ATRNL1: variants seen among roughly 807,000 people sequenced by gnomAD.
ATRNL1 encodes attractin-like protein 1.
ATRNL1 carries 95 observed loss-of-function variants against 182.7 expected under a neutral mutation model. That is an observed-to-expected ratio of 0.52 (90% CI 0.44 to 0.62). The LOEUF (loss-of-function observed/expected upper bound fraction) is 0.62. ATRNL1 is among the 20% of genes least tolerant of loss of function. The pLI, the probability that ATRNL1 is intolerant of heterozygous loss-of-function variation, is 0.00. For synonymous variants in ATRNL1, 576 were observed against 568.3 expected, an observed-to-expected ratio of 1.01 and a Z score of -0.19; for missense variants, 1,471 against 1,679.5, an observed-to-expected ratio of 0.88 and a Z score of 2.17.
chr10:115,727,665 T>G (rs2134061195), intron 27 of ATRNL1, among the ~76,000 whole-genome samples: 1 of 152,308 alleles, frequency 6.6e-6, no homozygotes, highest in East Asian at 1.9e-4. Flanking sequence ...GCGCCTATAT[T>G]TAGTCTTTGG....
At chr10:115,883,068 T>C (rs1488694040) in intron 28 of ATRNL1, among the ~76,000 whole-genome samples, 1 of 152,144 alleles carries the variant, frequency 6.6e-6, no homozygotes, top group African/African-American at 2.4e-5. Flanking sequence ...CTCTTGATAA[T>C]CCCAAACTCC....
At chr10:115,193,772 T>G (rs1445038561) in intron 8 of ATRNL1, among the ~76,000 whole-genome samples, 1 of 151,952 alleles carries the variant, frequency 6.6e-6, no homozygotes, top group Non-Finnish European at 1.5e-5. Context: ...CTCTTTGTGT[T>G]CTTTAAGATG....
chr10:115,824,733 C>T (rs549864836), intron 27 of ATRNL1, among the ~76,000 whole-genome samples: 56 of 152,142 alleles, frequency 3.7e-4, no homozygotes, highest in Non-Finnish European at 6.9e-4. Context: ...CATCTCACAC[C>T]GGTTAGAATG....
chr10:115,299,362 G>C (rs1853362186), intron 15 of ATRNL1, among the ~76,000 whole-genome samples: 1 of 151,824 alleles, frequency 6.6e-6, no homozygotes, highest in Non-Finnish European at 1.5e-5. Flanking sequence ...TAGTTATGTA[G>C]TATTTGTCAA....
chr10:115,704,258 AG>A (rs1565302896), intron 26 of ATRNL1, among the ~76,000 whole-genome samples: 1 of 151,830 alleles, frequency 6.6e-6, no homozygotes, highest in Non-Finnish European at 1.5e-5. Context: ...TTGACTTGTA[AG>A]TGCATCCCTT....
chr10:115,420,742 C>G (rs879992528), intron 20 of ATRNL1, among the ~76,000 whole-genome samples: 2 of 151,656 alleles, frequency 1.3e-5, no homozygotes, highest in Non-Finnish European at 2.9e-5. Context: ...ACTAAAAATA[C>G]AAAGCATCAA....
chr10:115,564,019 T>G (rs1292280840), intron 26 of ATRNL1, among the ~76,000 whole-genome samples: 5 of 152,134 alleles, frequency 3.3e-5, no homozygotes, highest in Non-Finnish European at 7.4e-5. Flanking sequence ...GCTGAACTGG[T>G]GTTCGACCTG....
intron 21 of ATRNL1, among the ~76,000 whole-genome samples, chr10:115,443,353 G>T (rs1258148564): frequency 6.6e-6 from 1 of 151,738 alleles, no homozygotes; most frequent in Non-Finnish European, 1.5e-5. Context: ...TTCAGTCTGT[G>T]GGCTCTCTTT....
At chr10:115,480,988 A>C (rs1442803136) in intron 24 of ATRNL1, among the ~76,000 whole-genome samples, 1 of 150,866 alleles carries the variant, frequency 6.6e-6, no homozygotes, top group African/African-American at 2.4e-5. Flanking sequence ...AATTTGAGTA[A>C]AGAAGATTTT....
chr10:115,325,178 G>A (rs1459895963), intron 18 of ATRNL1, among the ~76,000 whole-genome samples: 1 of 152,002 alleles, frequency 6.6e-6, no homozygotes, highest in African/African-American at 2.4e-5. Flanking sequence ...CCATAAATGA[G>A]GAGCCATCTG....
intron 20 of ATRNL1, among the ~76,000 whole-genome samples, chr10:115,419,154 G>A (rs991528662): frequency 2.6e-5 from 4 of 152,112 alleles, no homozygotes; most frequent in African/African-American, 7.2e-5. Flanking sequence ...GAGTTAAAAT[G>A]TACCATTTTT....
chr10:115,623,289 G>A (rs534735865), intron 26 of ATRNL1, among the ~76,000 whole-genome samples: 1 of 152,064 alleles, frequency 6.6e-6, no homozygotes, highest in African/African-American at 2.4e-5. Flanking sequence ...CAGACAGACC[G>A]CATTCTGTTA....
In ATRNL1 at chr10:115,119,683, TA is replaced by T. The variant is rs1253198181; in HGVS notation, c.294-496del. Among the ~76,000 whole-genome samples the T allele has an allele frequency of 2.6e-5, 4 of 152,006 alleles. No individual in the cohort carries two copies. In the South Asian group the frequency reaches 6.2e-4, roughly 24 times the overall value. On this transcript the variant is annotated intron_variant, in intron 1 of 28. Transcript: ENST00000355044. ...TAAAGTAGACAGGAGAAAATGATAA[TA>T]AAAAATATATTTATAGCAGAACTCT...
At chr10:115,756,733 C>T (rs1484272673) in intron 27 of ATRNL1, among the ~76,000 whole-genome samples, 2 of 152,068 alleles carry the variant, frequency 1.3e-5, no homozygotes, top group Non-Finnish European at 2.9e-5. Flanking sequence ...TTATCTGTCT[C>T]GTTGATCTGT....
chr10:115,546,424 G>C (rs1363002342), intron 25 of ATRNL1, among the ~76,000 whole-genome samples: 1 of 151,830 alleles, frequency 6.6e-6, no homozygotes, highest in Non-Finnish European at 1.5e-5. Flanking sequence ...AAATTAAGTG[G>C]GCGTGGTGGC....
intron 19 of ATRNL1, among the ~76,000 whole-genome samples, chr10:115,365,855 T>G (rs1857008177): frequency 6.6e-6 from 1 of 152,144 alleles, no homozygotes; most frequent in Non-Finnish European, 1.5e-5. Flanking sequence ...TAATCCTGAG[T>G]TCTAGTTTGA....
intron 21 of ATRNL1, among the ~76,000 whole-genome samples, chr10:115,459,118 T>C (rs1466834879): frequency 6.6e-6 from 1 of 152,174 alleles, no homozygotes; most frequent in African/African-American, 2.4e-5. Context: ...TATGCTTGTC[T>C]TTGCTTTAAT....
In ATRNL1 at chr10:115,800,788, C is replaced by T. The variant is rs572112028; in HGVS notation, c.3904-47089C>T. On this transcript the variant is annotated intron_variant, in intron 27 of 28. Coordinates refer to ENST00000355044, the MANE Select transcript of ATRNL1 (RefSeq NM_207303.4). ...ATGTGAGGACACAGCAAGAAGGCAG[C>T]CATCTGCAAGCCAGGAGGAGAGTCA... 3.9e-5 allele frequency among the ~76,000 whole-genome samples: 6 copies of T among 152,096 alleles called. No homozygotes were observed. In the South Asian group the frequency reaches 1.0e-3, roughly 26 times the overall value.
At position 115,592,542 on chromosome 10, in the gene ATRNL1, G is replaced by A. The variant is rs570200710; in HGVS notation, c.3795+43006G>A. 6.6e-4 allele frequency among the ~76,000 whole-genome samples: 100 copies of A among 152,138 alleles called. 1 individual carries two copies. The highest frequency in any genetic ancestry group is 6.2e-3 in the Admixed American group (95 of 15,264). On this transcript the variant is annotated intron_variant, in intron 26 of 28. Transcript: ENST00000355044. Reference sequence around the variant, plus strand: ...ACGCAGCTCTACCTTACTCCACCCCGCTAAGTCCTAGGTAGCCACCTCTAC... The same window carrying A: ...ACGCAGCTCTACCTTACTCCACCCCACTAAGTCCTAGGTAGCCACCTCTAC...
Sources: gnomAD v4.1 joint callset for allele counts (sites outside exome capture counted in the v4.1 genomes callset) on GRCh38, gnomAD v4.1.1 for gene constraint, MANE v1.5 for transcripts, NCBI Gene and HGNC (gene_info 2026-07-23, HGNC 2026-07-21) for gene names.